The following FBXO25 variants were observed in gnomAD, a reference collection of about 807,000 sequenced individuals.
FBXO25 encodes the protein F-box protein 25.
FBXO25 carries 45 observed loss-of-function variants against 51.9 expected under a neutral mutation model. That is an observed-to-expected ratio of 0.87 (90% CI 0.68 to 1.11). The LOEUF is 1.11. FBXO25 is among the 50% of genes most tolerant of loss of function. The pLI is 0.00. For synonymous variants in FBXO25, 199 were observed against 151.0 expected (o/e 1.32, Z -2.33); for missense variants, 507 against 428.5 (o/e 1.18, Z -1.62).
At chr8:437,642 G>T (rs1798179509) in intron 5 of FBXO25, among the ~76,000 whole-genome samples, 2 of 152,130 alleles carry the variant, frequency 1.3e-5, no homozygotes, top group South Asian at 4.1e-4. Context: ...CCTGTGTCTT[G>T]CCTTGGATTG....
In FBXO25 at chr8:451,314, A is replaced by C; in HGVS notation, c.521A>C (p.Gln174Pro). The C allele has an allele frequency of 6.2e-7, 1 of 1,611,676 alleles. No homozygotes were observed. Among genetic ancestry groups the C allele is most frequent in the Non-Finnish European group, 8.5e-7 (1 of 1,179,416 alleles). ...HNPRLIKDLL[Q>P]DLSSTLCILI... The stretch of plus-strand genomic sequence containing the variant: ...CCTCGCTTAATCAAAGATCTTCTGC[A>C]AGACCTAAGCTCTACCCTCTGCATT... The change falls in exon 7 of 10, where the codon CAA becomes CCA. Residue 174 changes from glutamine (Q) to proline (P), a missense_variant. Gln to Pro is a moderately conservative substitution (Grantham distance 76, BLOSUM62 -1). Coordinates refer to ENST00000350302, the MANE Select transcript of FBXO25 (RefSeq NM_183420.2).
At chr8:456,628 G>C (rs1439001387) in intron 7 of FBXO25, among the ~76,000 whole-genome samples, 1 of 152,188 alleles carries the variant, frequency 6.6e-6, no homozygotes, top group Non-Finnish European at 1.5e-5. Flanking sequence ...GACAGGGCAG[G>C]ACAGCACACT....
chr8:435,372 T>G (rs187704278), intron 4 of FBXO25: 2 of 510,072 alleles, frequency 3.9e-6, no homozygotes, highest in Non-Finnish European at 6.9e-6. Flanking sequence ...ATATTTGTCT[T>G]TGTCATTACT....
chr8:407,546 C>A, intron 1 of FBXO25: 1 of 624,578 alleles, frequency 1.6e-6, no homozygotes, highest in Non-Finnish European at 2.0e-6. Flanking sequence ...CTTCTGCGAC[C>A]CCTTCCCGCC....
Position 474,564 on chromosome 8 carries a change from T to G in FBXO25, c.*5760T>G, listed in dbSNP as rs1368525975. ...CTTGCCAACACCTGTTTTTAATAAT[T>G]GCCATCCTAATGAGTGTGAAGTGGT... On this transcript the variant is annotated 3_prime_UTR_variant, in exon 10 of 10. Transcript: ENST00000350302. 2.8e-5 allele frequency: 10 copies of G among 353,598 alleles called. No individual in the cohort carries two copies. The highest frequency in any genetic ancestry group is 4.9e-5 in the Non-Finnish European group (9 of 183,616). The allele number at this position is 353,598 out of a possible 1,614,324, so 21.9% of individuals were successfully genotyped here.
chr8:428,802 C>G (rs1413318270), intron 2 of FBXO25, among the ~76,000 whole-genome samples: 1 of 152,170 alleles, frequency 6.6e-6, no homozygotes, highest in Non-Finnish European at 1.5e-5. Context: ...AGTATGTGTC[C>G]TTTTGTGACT....
chr8:447,988 G>A (rs1333102512), intron 5 of FBXO25, among the ~76,000 whole-genome samples: 1 of 152,076 alleles, frequency 6.6e-6, no homozygotes, highest in Non-Finnish European at 1.5e-5. Flanking sequence ...GGGCCCAGGA[G>A]AAGACAGAGA....
At chr8:413,462 A>C (rs2117425543) in intron 2 of FBXO25, among the ~76,000 whole-genome samples, 1 of 152,036 alleles carries the variant, frequency 6.6e-6, no homozygotes, top group South Asian at 2.1e-4. Flanking sequence ...GAGAGGTATT[A>C]TTTTTAATCC....
intron 7 of FBXO25, 25 bp from the exon 8 acceptor site, chr8:458,344 A>C: frequency 4.4e-6 from 7 of 1,606,004 alleles, no homozygotes; most frequent in Non-Finnish European, 6.0e-6. Flanking sequence ...CTTCTCAGTG[A>C]GTTGCTGTTG....
chr8:458,527 T>A lies in FBXO25; in HGVS notation c.819T>A (p.Cys273Ter). 1 of 1,614,146 alleles carries A rather than the reference T, an allele frequency of 6.2e-7. No homozygotes were observed. The highest frequency in any genetic ancestry group is 8.5e-7 in the Non-Finnish European group (1 of 1,179,994). ...SEDRQLWKKLCQYHFAEKQFC... is the reference protein window; with the variant it reads ...SEDRQLWKKL ...ACAGACAGCTGTGGAAGAAGCTTTG[T>A]CAGTACCATTTTGCTGAAAAGCAGG... The change falls in exon 8 of 10, where the codon TGT becomes TGA. Residue 273 changes from cysteine (C) to a stop codon, truncating the protein, a stop_gained. Transcript: ENST00000350302. LOFTEE classifies it high-confidence loss of function.
At chr8:418,012 G>A (rs537807238) in intron 2 of FBXO25, among the ~76,000 whole-genome samples, 2 of 152,276 alleles carry the variant, frequency 1.3e-5, no homozygotes, top group East Asian at 3.9e-4. Flanking sequence ...GCATAGTAGT[G>A]TACACAGATT....
At chr8:419,942 T>C (rs1299346718) in intron 2 of FBXO25, among the ~76,000 whole-genome samples, 2 of 152,030 alleles carry the variant, frequency 1.3e-5, no homozygotes, top group Non-Finnish European at 2.9e-5. Context: ...CAGTAAAAAA[T>C]TGGGCAATAG....
chr8:477,217 G>A lies in FBXO25; in HGVS notation c.*8413G>A, dbSNP rs1375631156. 6.6e-6 allele frequency: 1 copy of A among 152,178 alleles called. No homozygotes were observed. Among genetic ancestry groups the A allele is most frequent in the Non-Finnish European group, 1.5e-5 (1 of 68,036 alleles). 9.4% of individuals were successfully genotyped at this position (152,178 alleles called of 1,614,324 possible). A position where few individuals can be genotyped will look rare whatever the true frequency, so the allele number is the denominator to read the frequency against. ...CATCTAACATACTGTCTATCCTAGA[G>A]AAAGGTCCATTTGCACTTGAGAAAA... On this transcript the variant is annotated 3_prime_UTR_variant, in exon 10 of 10. Transcript: ENST00000350302.
In FBXO25 at chr8:476,368, A is replaced by G. The variant is rs1800644920; in HGVS notation, c.*7564A>G. ...CTTTGTCTGGTTTTGGTATCAGAAT[A>G]ATGATGGCCTCATAGAATGCATTTG... On this transcript the variant is annotated 3_prime_UTR_variant, in exon 10 of 10. Coordinates refer to ENST00000350302, the MANE Select transcript of FBXO25 (RefSeq NM_183420.2). 6.6e-6 allele frequency: 1 copy of G among 152,148 alleles called. No homozygotes were observed. The allele number at this position is 152,148 out of a possible 1,614,324, so 9.4% of individuals were successfully genotyped here.
chr8:443,960 C>T (rs1462025996), intron 5 of FBXO25, among the ~76,000 whole-genome samples: 1 of 152,208 alleles, frequency 6.6e-6, no homozygotes, highest in African/African-American at 2.4e-5. Flanking sequence ...TTGTGGGATC[C>T]CCCTGCTCTT....
chr8:427,463 A>T (rs1216197012), intron 2 of FBXO25, among the ~76,000 whole-genome samples: 2 of 151,320 alleles, frequency 1.3e-5, no homozygotes, highest in African/African-American at 2.4e-5. Context: ...GTTTGGTAGC[A>T]TATATGTACC....
intron 1 of FBXO25, among the ~76,000 whole-genome samples, chr8:411,214 C>G (rs1005713543): frequency 6.6e-6 from 1 of 152,308 alleles, no homozygotes; most frequent in African/African-American, 2.4e-5. Context: ...AGTAATTCAG[C>G]TACCTTTCTG....
chr8:451,169 C>G (rs1489621829), intron 6 of FBXO25, 100 bp from the exon 7 acceptor site: 3 of 948,264 alleles, frequency 3.2e-6, no homozygotes, highest in Non-Finnish European at 4.7e-6. Context: ...CGTTGTTTGT[C>G]TGTTCGTCTA....
intron 2 of FBXO25, among the ~76,000 whole-genome samples, chr8:414,605 T>G (rs1308237645): frequency 1.3e-5 from 2 of 152,216 alleles, no homozygotes; most frequent in Non-Finnish European, 2.9e-5. Context: ...GAATTGTTTT[T>G]TTTTCCGCTG....
Sources: gnomAD v4.1 joint callset for allele counts (sites outside exome capture counted in the v4.1 genomes callset) on GRCh38, gnomAD v4.1.1 for gene constraint, MANE v1.5 for transcripts, NCBI Gene and HGNC (gene_info 2026-07-23, HGNC 2026-07-21) for gene names.